PARD3: variants seen among roughly 807,000 people sequenced by gnomAD.
The protein encoded by PARD3 is partitioning defective 3 homolog.
Under a neutral mutation model 155.4 loss-of-function variants are expected in PARD3, and 75 were observed. The observed-to-expected ratio is 0.48, with a 90% confidence interval of 0.40 to 0.58. PARD3 has a LOEUF of 0.58. PARD3 is among the 20% of genes least tolerant of loss of function. The pLI is 0.00. For missense variants in PARD3, 1,642 were observed against 1,721.7 expected, an observed-to-expected ratio of 0.95 and a Z score of 0.82; for synonymous variants, 576 against 610.5, an observed-to-expected ratio of 0.94 and a Z score of 0.83.
intron 2 of PARD3, among the ~76,000 whole-genome samples, chr10:34,566,749 T>A (rs2085974416): frequency 6.6e-6 from 1 of 151,836 alleles, no homozygotes; most frequent in African/African-American, 2.4e-5. Context: ...CTAAATAAAT[T>A]AACCAAAGTT....
intron 2 of PARD3, among the ~76,000 whole-genome samples, chr10:34,528,677 G>A (rs1244261295): frequency 6.6e-6 from 1 of 152,154 alleles, no homozygotes; most frequent in Non-Finnish European, 1.5e-5. Flanking sequence ...TAATCAAGAG[G>A]GGAAGATGAA....
At chr10:34,791,014 A>G (rs1405309690) in intron 1 of PARD3, among the ~76,000 whole-genome samples, 7 of 152,326 alleles carry the variant, frequency 4.6e-5, no homozygotes, top group African/African-American at 1.4e-4. Context: ...TCAGAGTATC[A>G]AAAAATACAA....
At chr10:34,713,161 G>A (rs1002395744) in intron 1 of PARD3, among the ~76,000 whole-genome samples, 28 of 152,024 alleles carry the variant, frequency 1.8e-4, no homozygotes, top group Admixed American at 1.3e-3. Context: ...GTGGTGAGCC[G>A]AGATTGCACC....
intron 2 of PARD3, among the ~76,000 whole-genome samples, chr10:34,684,962 A>C (rs1443857417): frequency 2.6e-5 from 4 of 151,968 alleles, no homozygotes; most frequent in African/African-American, 9.7e-5. Context: ...GTGCTTAGTA[A>C]ACTGAATTAC....
chr10:34,505,774 G>A (rs1276910446), intron 3 of PARD3, among the ~76,000 whole-genome samples: 3 of 152,120 alleles, frequency 2.0e-5, no homozygotes, highest in African/African-American at 7.2e-5. Context: ...TTTAATTTCA[G>A]GCATCACAGA....
At chr10:34,243,879 G>T (rs943938442) in intron 22 of PARD3, among the ~76,000 whole-genome samples, 1 of 152,104 alleles carries the variant, frequency 6.6e-6, no homozygotes, top group Non-Finnish European at 1.5e-5. Context: ...GTATAATACT[G>T]CAAGCAGTCA....
intron 22 of PARD3, among the ~76,000 whole-genome samples, chr10:34,134,636 C>T (rs763839734): frequency 6.6e-6 from 1 of 152,198 alleles, no homozygotes; most frequent in Non-Finnish European, 1.5e-5. Context: ...TTGGTTTCAC[C>T]CCCTTTTCCT....
At chr10:34,378,249 TA>T in intron 9 of PARD3, 143 bp from the exon 10 acceptor site, 1 of 608,100 alleles carries the variant, frequency 1.6e-6, no homozygotes, top group Admixed American at 3.9e-5. Context: ...TTAAAAGTTG[TA>T]ATAAATTTTT....
intron 1 of PARD3, among the ~76,000 whole-genome samples, chr10:34,749,226 T>G (rs1228114416): frequency 2.0e-5 from 3 of 152,256 alleles, no homozygotes; most frequent in African/African-American, 7.2e-5. Context: ...ATCATTATGA[T>G]GAAGTCTTGC....
intron 1 of PARD3, among the ~76,000 whole-genome samples, chr10:34,798,264 A>G (rs7906382): frequency 0.38 from 57,573 of 151,760 alleles, 12,934 homozygotes; most frequent in African/African-American, 0.64. Flanking sequence ...AGCAGTTTGA[A>G]GCTGCAGTGA....
chr10:34,225,614 G>C (rs1952557658), intron 22 of PARD3, among the ~76,000 whole-genome samples: 1 of 152,170 alleles, frequency 6.6e-6, no homozygotes, highest in African/African-American at 2.4e-5. Context: ...CTAAAGTGCT[G>C]GGATTACAGG....
chr10:34,284,028 T>C (rs1247260829), intron 21 of PARD3, 107 bp downstream of exon 21: 8 of 691,046 alleles, frequency 1.2e-5, no homozygotes, highest in Non-Finnish European at 1.7e-5. Context: ...ACAGGAAATA[T>C]GAAGAGTAAT....
intron 3 of PARD3, among the ~76,000 whole-genome samples, chr10:34,490,326 A>AT (rs1278457332): frequency 6.6e-6 from 1 of 152,140 alleles, no homozygotes; most frequent in Non-Finnish European, 1.5e-5. Flanking sequence ...ATCACAATTT[A>AT]TTTTATTATT....
chr10:34,730,210 C>A (rs1401764427), intron 1 of PARD3, among the ~76,000 whole-genome samples: 1 of 152,088 alleles, frequency 6.6e-6, no homozygotes, highest in Non-Finnish European at 1.5e-5. Flanking sequence ...CAATATATCA[C>A]CAAATTAAAT....
intron 5 of PARD3, among the ~76,000 whole-genome samples, chr10:34,442,331 T>C (rs1316348436): frequency 1.3e-5 from 2 of 152,210 alleles, no homozygotes; most frequent in African/African-American, 4.8e-5. Context: ...TATTCCTATA[T>C]CAGACTTTCT....
chr10:34,232,544 C>G (rs1013925034), intron 22 of PARD3, among the ~76,000 whole-genome samples: 4 of 152,062 alleles, frequency 2.6e-5, no homozygotes, highest in Non-Finnish European at 4.4e-5. Context: ...AAATGTTCCT[C>G]TTTTATAGAA....
At chr10:34,650,712 C>G (rs1419763241) in intron 2 of PARD3, among the ~76,000 whole-genome samples, 3 of 152,006 alleles carry the variant, frequency 2.0e-5, no homozygotes, top group Non-Finnish European at 4.4e-5. Context: ...CCAAAAAGTG[C>G]AAAAAGAAAC....
rs1170849203 is a variant in PARD3, at chr10:34,576,822, T to A, written c.223-59663A>T. 5.3e-5 allele frequency among the ~76,000 whole-genome samples: 8 copies of A among 152,218 alleles called. No homozygotes were observed. The East Asian group carries it at 1.5e-3, about 29-fold the overall frequency. Reference sequence around the variant, plus strand: ...TTTTAGTTACAGTGGAATGAACATGTCACTGTATAGCTTCTCTGCATCTAA... The same window carrying A: ...TTTTAGTTACAGTGGAATGAACATGACACTGTATAGCTTCTCTGCATCTAA... On this transcript the variant is annotated intron_variant, in intron 2 of 24. Transcript: ENST00000374788.
intron 22 of PARD3, among the ~76,000 whole-genome samples, chr10:34,258,396 G>A (rs1362128741): frequency 1.3e-5 from 2 of 152,102 alleles, no homozygotes; most frequent in Admixed American, 6.6e-5. Context: ...GACTGTTATC[G>A]GGGGGAGCAG....
Sources: allele counts gnomAD v4.1 joint callset (sites outside exome capture counted in the v4.1 genomes callset), GRCh38; gene constraint gnomAD v4.1.1; transcripts MANE v1.5; gene names NCBI Gene and HGNC (gene_info 2026-07-23, HGNC 2026-07-21).